The following LRP1B variants were observed in gnomAD, a reference collection of about 807,000 sequenced individuals.
The protein encoded by LRP1B is LDL receptor related protein 1B, also known as low-density lipoprotein receptor-related protein 1B.
Under a neutral mutation model 556.6 loss-of-function variants are expected in LRP1B, and 217 were observed. The ratio of observed to expected loss-of-function variants is 0.39; its 90% CI spans 0.35 to 0.44. The LOEUF is 0.44. Ranked by LOEUF, LRP1B falls within the 20% of genes least tolerant of loss-of-function variation. LRP1B has a pLI of 1.00. For synonymous variants in LRP1B, 2,047 were observed against 1,865.8 expected (o/e 1.10, Z -2.50); for missense variants, 5,053 against 5,620.8 (o/e 0.90, Z 3.23).
intron 2 of LRP1B, among the ~76,000 whole-genome samples, chr2:141,701,649 C>T (rs1691943239): frequency 2.0e-5 from 3 of 151,724 alleles, no homozygotes; most frequent in South Asian, 4.2e-4. Flanking sequence ...AAAATAGTGC[C>T]TGGAAGATAA....
intron 20 of LRP1B, among the ~76,000 whole-genome samples, chr2:140,945,725 G>A (rs1695523303): frequency 6.6e-6 from 1 of 152,032 alleles, no homozygotes; most frequent in Non-Finnish European, 1.5e-5. Context: ...ACAGCTTAGA[G>A]ACTTAAATGT....
rs148547821 is a variant in LRP1B at position 140,920,208 on chromosome 2, A to T, written c.3319+2757T>A. On this transcript the variant is annotated intron_variant, in intron 21 of 90. Coordinates refer to ENST00000389484, the MANE Select transcript of LRP1B (RefSeq NM_018557.3). ...CTGCTATTTGTTAGTCTGGAGTGTA[A>T]GAGAACAGATGCGGCACAATGCACT... Among the ~76,000 whole-genome samples, 13 of 152,132 alleles carry T rather than the reference A, an allele frequency of 8.5e-5. No individual in the cohort carries two copies. The East Asian group carries it at 2.5e-3, about 29-fold the overall frequency.
At position 140,702,003 on chromosome 2, in the gene LRP1B, T is replaced by C. The variant is rs530899660; in HGVS notation, c.6302+138A>G. On this transcript the variant is annotated intron_variant, in intron 39 of 90. Coordinates refer to ENST00000389484, the MANE Select transcript of LRP1B (RefSeq NM_018557.3). ...TTCAGCTTGGAATAGCAAGAGTACC[T>C]GCCTTTTCTGTGGAAATTACTGGCT... The C allele has an allele frequency of 7.7e-5, 101 of 1,303,736 alleles. 2 individuals are homozygous for C. The East Asian group carries it at 2.1e-3, about 28-fold the overall frequency. 80.8% of individuals were successfully genotyped at this position (1,303,736 alleles called of 1,614,324 possible).
rs183691972 is a variant in LRP1B, at chr2:140,837,671, C to T, written c.5209+2320G>A. Among the ~76,000 whole-genome samples the T allele has an allele frequency of 2.6e-5, 4 of 152,074 alleles. No homozygotes were observed. In the East Asian group the frequency reaches 5.8e-4, roughly 22 times the overall value. ...GGATGAAGCTGGAAACCATCATTCTCAGCAAACTATCACCAAGGACAAAAA... is the reference window on the plus strand; with the variant it reads ...GGATGAAGCTGGAAACCATCATTCTTAGCAAACTATCACCAAGGACAAAAA... On this transcript the variant is annotated intron_variant, in intron 31 of 90. Coordinates refer to ENST00000389484, the MANE Select transcript of LRP1B (RefSeq NM_018557.3).
chr2:141,426,998 T>C (rs898597846), intron 3 of LRP1B, among the ~76,000 whole-genome samples: 1 of 152,156 alleles, frequency 6.6e-6, no homozygotes, highest in East Asian at 1.9e-4. Context: ...CTACATTAGG[T>C]ATTTCTCCTA....
At chr2:140,780,129 T>A (rs1689647384) in intron 32 of LRP1B, among the ~76,000 whole-genome samples, 1 of 152,002 alleles carries the variant, frequency 6.6e-6, no homozygotes, top group Non-Finnish European at 1.5e-5. Context: ...CAACTACAAC[T>A]AATAGCAGAC....
intron 41 of LRP1B, among the ~76,000 whole-genome samples, chr2:140,626,774 C>A (rs1175397064): frequency 6.8e-6 from 1 of 147,462 alleles, no homozygotes. Flanking sequence ...CCAAAATATT[C>A]AATAAAAGAT....
chr2:140,311,886 C>G (rs750064632), intron 83 of LRP1B, among the ~76,000 whole-genome samples: 2 of 151,818 alleles, frequency 1.3e-5, no homozygotes, highest in Non-Finnish European at 2.9e-5. Context: ...TTATGCCCCA[C>G]GTACATATGT....
intron 3 of LRP1B, among the ~76,000 whole-genome samples, chr2:141,394,260 T>A (rs1690161519): frequency 6.6e-6 from 1 of 152,146 alleles, no homozygotes; most frequent in African/African-American, 2.4e-5. Context: ...CATGTTTAAA[T>A]AATTGTGTAA....
chr2:140,668,713 G>A (rs181532505), intron 41 of LRP1B, among the ~76,000 whole-genome samples: 43 of 151,266 alleles, frequency 2.8e-4, no homozygotes, highest in Admixed American at 2.8e-3. Flanking sequence ...TATATTTGCT[G>A]TAAAATATTT....
At chr2:141,425,406 A>T (rs1680322384) in intron 3 of LRP1B, among the ~76,000 whole-genome samples, 3 of 150,180 alleles carry the variant, frequency 2.0e-5, no homozygotes, top group Admixed American at 6.6e-5. Flanking sequence ...TTATAGCAGC[A>T]TGACTTATAT....
chr2:140,935,224 A>C (rs1695167862), intron 20 of LRP1B, among the ~76,000 whole-genome samples: 1 of 152,176 alleles, frequency 6.6e-6, no homozygotes, highest in Non-Finnish European at 1.5e-5. Flanking sequence ...TAGACAAAGA[A>C]TTTAAAACAA....
chr2:142,023,317 C>T (rs768054061), intron 1 of LRP1B, among the ~76,000 whole-genome samples: 4 of 152,184 alleles, frequency 2.6e-5, no homozygotes, highest in Non-Finnish European at 4.4e-5. Context: ...CATATTTTCT[C>T]ATTTATTGGT....
chr2:141,880,422 A>G (rs1018133434), intron 1 of LRP1B, among the ~76,000 whole-genome samples: 4 of 152,076 alleles, frequency 2.6e-5, no homozygotes, highest in Non-Finnish European at 4.4e-5. Flanking sequence ...GAACCAGTAA[A>G]TGAATAAAAA....
chr2:141,420,737 G>A (rs986392348), intron 3 of LRP1B, among the ~76,000 whole-genome samples: 6 of 152,262 alleles, frequency 3.9e-5, no homozygotes, highest in African/African-American at 1.4e-4. Flanking sequence ...CTCATTAGCT[G>A]GATTTTGCCC....
At chr2:141,417,067 C>T (rs1269760414) in intron 3 of LRP1B, among the ~76,000 whole-genome samples, 1 of 152,132 alleles carries the variant, frequency 6.6e-6, no homozygotes, top group African/African-American at 2.4e-5. Context: ...TTCTCAAATA[C>T]ACTCTACTTG....
chr2:141,673,085 T>C (rs1045466763), intron 2 of LRP1B, among the ~76,000 whole-genome samples: 7 of 152,208 alleles, frequency 4.6e-5, no homozygotes, highest in Non-Finnish European at 1.0e-4. Flanking sequence ...AAGTCTGACC[T>C]GGAAGTCTTC....
rs748618648 is a variant in LRP1B at position 140,485,422 on chromosome 2, G to A, written c.9346C>T (p.Leu3116Phe). Reference protein sequence around the residue: ...TEKRIIEVSKLNGLYPTILVS... With the variant: ...TEKRIIEVSKFNGLYPTILVS... ...AGTATAGTAGGGTACAAGCCATTGA[G>A]TTTGGATACTTCAATGATTCTTTTT... The change falls in exon 59 of 91, where the codon CTC becomes TTC. Residue 3116 changes from leucine (L) to phenylalanine (F), a missense_variant. By Grantham distance (22) the Leu-to-Phe change is conservative. Coordinates refer to ENST00000389484, the MANE Select transcript of LRP1B (RefSeq NM_018557.3). The A allele has an allele frequency of 6.2e-7, 1 of 1,613,716 alleles. No individual in the cohort carries two copies. The highest frequency in any genetic ancestry group is 1.3e-5 in the African/African-American group (1 of 75,028).
At chr2:140,245,641 T>C (rs1558922355) in intron 87 of LRP1B, among the ~76,000 whole-genome samples, 3 of 151,448 alleles carry the variant, frequency 2.0e-5, no homozygotes, top group Admixed American at 1.3e-4. Context: ...AAATAGTTTA[T>C]AAAATCATAT....
Sources: allele counts gnomAD v4.1 joint callset (sites outside exome capture counted in the v4.1 genomes callset), GRCh38; gene constraint gnomAD v4.1.1; transcripts MANE v1.5; gene names NCBI Gene and HGNC (gene_info 2026-07-23, HGNC 2026-07-21).